Variants in DGKA observed in about 807,000 individuals in gnomAD.
DGKA encodes the protein diacylglycerol kinase alpha.
In DGKA, 35 loss-of-function variants were observed where a neutral mutation model predicts 105.0. That is an observed-to-expected ratio of 0.33 (90% CI 0.25 to 0.44). The LOEUF is 0.44. Among genes scored for constraint, DGKA ranks in the 20% least tolerant of loss-of-function variants. DGKA has a pLI of 1.00. For synonymous variants in DGKA, 296 were observed against 332.0 expected (o/e 0.89, Z 1.18); for missense variants, 665 against 915.0 (o/e 0.73, Z 3.53).
rs1259365462 is a variant in DGKA at position 55,942,389 on chromosome 12, G to A, written c.1426+126G>A. Reference sequence around the variant, plus strand: ...GGGAAGAAGAGGGGCACAGACAGGTGGATACAAAAGTGGAATGTCCAAAAA... The same window carrying A: ...GGGAAGAAGAGGGGCACAGACAGGTAGATACAAAAGTGGAATGTCCAAAAA... On this transcript the variant is annotated intron_variant, in intron 17 of 23. Coordinates refer to ENST00000331886, the MANE Select transcript of DGKA (RefSeq NM_001345.5). The A allele has an allele frequency of 2.8e-5, 24 of 854,608 alleles. No homozygotes were observed. In the East Asian group the frequency reaches 6.1e-4, roughly 22 times the overall value. 52.9% of individuals were successfully genotyped at this position (854,608 alleles called of 1,614,324 possible).
Position 55,939,858 on chromosome 12 carries a change from T to C in DGKA, c.710-224T>C, listed in dbSNP as rs1885530493. On this transcript the variant is annotated intron_variant, in intron 9 of 23. Coordinates refer to ENST00000331886, the MANE Select transcript of DGKA (RefSeq NM_001345.5). ...AGCATTATCCAGCTCAGTTCCTGCC[T>C]GGCACATGGATGGTGTGGGGCAGGC... 5.0e-6 allele frequency: 3 copies of C among 594,924 alleles called. No homozygotes were observed. The South Asian group carries it at 6.0e-5, about 12-fold the overall frequency. 36.9% of individuals were successfully genotyped at this position (594,924 alleles called of 1,614,324 possible). A position where few individuals can be genotyped will look rare whatever the true frequency, so the allele number is the denominator to read the frequency against.
intron 17 of DGKA, among the ~76,000 whole-genome samples, chr12:55,945,411 A>G (rs747430900): frequency 3.9e-5 from 6 of 152,210 alleles, no homozygotes; most frequent in Non-Finnish European, 8.8e-5. Context: ...AAGGGTCTGC[A>G]TTAGCGTCCC....
In DGKA at chr12:55,932,808, T is replaced by TAA; in HGVS notation, c.-82+1464_-82+1465insAA. The TAA allele has an allele frequency of 1.8e-6, 1 of 545,738 alleles. No individual in the cohort carries two copies. Among genetic ancestry groups the TAA allele is most frequent in the South Asian group, 2.2e-5 (1 of 44,514 alleles). The allele number at this position is 545,738 out of a possible 1,614,324, so 33.8% of individuals were successfully genotyped here. ...TGGAGGCTTAATAAGTTTTGAGGCTTCAAGCAAATGATTCCCTCTTGAGGG... is the reference window on the plus strand; with the variant it reads ...TGGAGGCTTAATAAGTTTTGAGGCTTAACAAGCAAATGATTCCCTCTTGAGGG... On this transcript the variant is annotated intron_variant, in intron 1 of 23. Coordinates refer to ENST00000331886, the MANE Select transcript of DGKA (RefSeq NM_001345.5). The surrounding 1 kb of genome is among the most constrained non-coding windows in gnomAD (Gnocchi z 4.3).
At position 55,940,386 on chromosome 12, in the gene DGKA, A is replaced by T; in HGVS notation, c.871A>T (p.Ile291Phe). 6.2e-7 allele frequency: 1 copy of T among 1,614,148 alleles called. No homozygotes were observed. The highest frequency in any genetic ancestry group is 8.5e-7 in the Non-Finnish European group (1 of 1,180,014). Reference sequence around the variant, plus strand: ...CGACCGCTGTCAGAAAAAGATCCGGATCTACCACAGTCTGACCGGGCTGCA... The same window carrying T: ...CGACCGCTGTCAGAAAAAGATCCGGTTCTACCACAGTCTGACCGGGCTGCA... ...RCDRCQKKIR[I>F]YHSLTGLHCV... The change falls in exon 11 of 24, where the codon ATC becomes TTC. Residue 291 changes from isoleucine (I) to phenylalanine (F), a missense_variant. By Grantham distance (21) the Ile-to-Phe change is conservative. Coordinates refer to ENST00000331886, the MANE Select transcript of DGKA (RefSeq NM_001345.5). This position sits in a 1 kb window ranked among gnomAD's most constrained non-coding sequence, Gnocchi z 4.3.
chr12:55,937,927 T>G, intron 4 of DGKA, 51 bp from the exon 5 acceptor site: 147 of 1,508,510 alleles, frequency 9.7e-5, no homozygotes, highest in Non-Finnish European at 1.2e-4. Context: ...GGATAAAACA[T>G]GAGCCAAAGT....
Position 55,932,221 on chromosome 12 carries a change from G to T in DGKA, c.-82+877G>T. 2.8e-6 allele frequency: 1 copy of T among 358,348 alleles called. No individual in the cohort carries two copies. Among genetic ancestry groups the T allele is most frequent in the South Asian group, 2.8e-5 (1 of 35,566 alleles). The allele number at this position is 358,348 out of a possible 1,614,324, so 22.2% of individuals were successfully genotyped here. ...ACCCACGGGCTGCGTTCGTGCTGCT[G>T]GGTCGGGAAGGAGGAAGCGTGACAG... On this transcript the variant is annotated intron_variant, in intron 1 of 23. Coordinates refer to ENST00000331886, the MANE Select transcript of DGKA (RefSeq NM_001345.5). This position sits in a 1 kb window ranked among gnomAD's most constrained non-coding sequence, Gnocchi z 4.3.
At position 55,952,392 on chromosome 12, in the gene DGKA, C is replaced by A. The variant is rs750805162; in HGVS notation, c.1704C>A (p.Phe568Leu). 6.2e-7 allele frequency: 1 copy of A among 1,614,188 alleles called. No individual in the cohort carries two copies. ...YFEFATSESI[F>L]STCKKLEESL... ...AATTTGCCACATCTGAATCCATCTT[C>A]TCAACATGCAAAAAGCTGGAGGAGT... is the stretch of plus-strand genomic sequence containing the variant. The change falls in exon 20 of 24, where the codon TTC (phenylalanine) becomes TTA (leucine). Residue 568 changes from phenylalanine to leucine, a missense_variant. Transcript: ENST00000331886. This position sits in a 1 kb window ranked among gnomAD's most constrained non-coding sequence, Gnocchi z 5.1.
chr12:55,936,544 C>T lies in DGKA; in HGVS notation c.41C>T (p.Ala14Val), dbSNP rs1391029757. 1 of 1,614,124 alleles carries T rather than the reference C, an allele frequency of 6.2e-7. No individual in the cohort carries two copies. Among genetic ancestry groups the T allele is most frequent in the Non-Finnish European group, 8.5e-7 (1 of 1,180,016 alleles). The change falls in exon 2 of 24, where the codon GCC becomes GTC. Residue 14 changes from alanine (A) to valine (V), a missense_variant. By Grantham distance (64) the Ala-to-Val change is moderately conservative (BLOSUM62 0). Transcript: ENST00000331886. ...ERGLISPSDFAQLQKYMEYST... is the reference protein window; with the variant it reads ...ERGLISPSDFVQLQKYMEYST... Reference sequence around the variant, plus strand: ...GGCCTAATAAGCCCCAGTGATTTTGCCCAGCTGCAAAAATACATGGAATGT... The same window carrying T: ...GGCCTAATAAGCCCCAGTGATTTTGTCCAGCTGCAAAAATACATGGAATGT...
rs908601272 is a variant in DGKA, at chr12:55,932,133, C to A, written c.-82+789C>A. On this transcript the variant is annotated intron_variant, in intron 1 of 23. Coordinates refer to ENST00000331886, the MANE Select transcript of DGKA (RefSeq NM_001345.5). This position sits in a 1 kb window ranked among gnomAD's most constrained non-coding sequence, Gnocchi z 4.3. ...AGCCCTCTCAAGCAAGGTAGAGACC[C>A]CGCGAGCCCCCCAGCGCCCCACCCT... The A allele has an allele frequency of 1.7e-4, 35 of 200,196 alleles. 1 individual carries two copies. In the South Asian group the frequency reaches 2.6e-3, roughly 15 times the overall value. The allele number at this position is 200,196 out of a possible 1,614,324, so 12.4% of individuals were successfully genotyped here.
intron 5 of DGKA, 32 bp downstream of exon 5, chr12:55,938,084 G>A: frequency 6.3e-7 from 1 of 1,580,526 alleles, no homozygotes; most frequent in Non-Finnish European, 8.7e-7. Flanking sequence ...AGGTGGCAGG[G>A]CAGTGAAGGG....
chr12:55,929,230 T>C (rs1345567190), upstream of DGKA: 3 of 152,252 alleles, frequency 2.0e-5, no homozygotes, highest in Non-Finnish European at 2.9e-5. Flanking sequence ...CTTGCTCTCT[T>C]TTCACCGATT....
intron 17 of DGKA, among the ~76,000 whole-genome samples, chr12:55,946,536 T>C (rs1413992894): frequency 6.6e-6 from 1 of 152,192 alleles, no homozygotes; most frequent in Admixed American, 6.5e-5. Flanking sequence ...TTTGTATTTT[T>C]AGTAGAGACA....
chr12:55,953,559 C>A lies in DGKA; in HGVS notation c.2125-126C>A, dbSNP rs970682855. The stretch of plus-strand genomic sequence containing the variant: ...ACCCTGATTTCTCAGCCCCTGGTTT[C>A]CCTATCGTGGCCTCTCTAGGAACCT... On this transcript the variant is annotated intron_variant, in intron 23 of 23. Coordinates refer to ENST00000331886, the MANE Select transcript of DGKA (RefSeq NM_001345.5). The A allele has an allele frequency of 1.5e-4, 195 of 1,329,722 alleles. 2 individuals carry two copies. In the South Asian group the frequency reaches 1.7e-3, roughly 12 times the overall value. The allele number at this position is 1,329,722 out of a possible 1,614,324, so 82.4% of individuals were successfully genotyped here.
At chr12:55,936,618 C>CATT in intron 2 of DGKA, 51 bp downstream of exon 2, 2 of 1,612,066 alleles carry the variant, frequency 1.2e-6, no homozygotes, top group Non-Finnish European at 1.7e-6. Context: ...CCCAGAGAAT[C>CATT]CCTCCTCCTC....
At chr12:55,943,969 A>G (rs922291263) in intron 17 of DGKA, among the ~76,000 whole-genome samples, 1 of 152,156 alleles carries the variant, frequency 6.6e-6, no homozygotes, top group Non-Finnish European at 1.5e-5. Flanking sequence ...AACCTGAATC[A>G]TGACAATAAG....
chr12:55,941,026 C>T (rs1248574441), intron 13 of DGKA, 46 bp downstream of exon 13: 3 of 1,584,628 alleles, frequency 1.9e-6, no homozygotes, highest in East Asian at 2.2e-5. Flanking sequence ...GCAGGTTTTT[C>T]ACTGGAGCCC....
intron 17 of DGKA, among the ~76,000 whole-genome samples, chr12:55,943,578 CT>C: frequency 6.6e-6 from 1 of 152,052 alleles, no homozygotes; most frequent in East Asian, 1.9e-4. Context: ...GCCCAACCCA[CT>C]TTACCATTCA....
intron 1 of DGKA, among the ~76,000 whole-genome samples, chr12:55,934,409 G>A (rs1019274833): frequency 1.3e-5 from 2 of 152,208 alleles, no homozygotes; most frequent in South Asian, 2.1e-4. Context: ...CAGATGGGTA[G>A]AGTCCTTTCT....
intron 5 of DGKA, 100 bp from the exon 6 acceptor site, chr12:55,938,410 CA>C (rs1484307131): frequency 1.3e-6 from 2 of 1,499,834 alleles, no homozygotes; most frequent in Non-Finnish European, 1.8e-6. Flanking sequence ...GCTTCTCACC[CA>C]AAAGCTCTCT....
Sources: gnomAD v4.1 joint callset for allele counts (sites outside exome capture counted in the v4.1 genomes callset) on GRCh38, gnomAD v4.1.1 for gene constraint, Gnocchi (gnomAD v3.1) non-coding constraint, MANE v1.5 for transcripts, NCBI Gene and HGNC (gene_info 2026-07-23, HGNC 2026-07-21) for gene names.